KCNH5: variants seen among roughly 807,000 people sequenced by gnomAD.
KCNH5 encodes voltage-gated delayed rectifier potassium channel KCNH5.
Under a neutral mutation model 96.1 loss-of-function variants are expected in KCNH5, and 46 were observed. The ratio of observed to expected loss-of-function variants is 0.48; its 90% CI spans 0.38 to 0.61. The LOEUF is 0.61. Ranked by LOEUF, KCNH5 falls within the 20% of genes least tolerant of loss-of-function variation. KCNH5 has a pLI of 0.00. For missense variants in KCNH5, 907 were observed against 1,225.8 expected (o/e 0.74, Z 3.88); for synonymous variants, 439 against 449.8 (o/e 0.98, Z 0.30).
chr14:62,846,642 C>A (rs1189322344), intron 8 of KCNH5, among the ~76,000 whole-genome samples: 10 of 151,554 alleles, frequency 6.6e-5, no homozygotes, highest in Admixed American at 6.6e-4. Flanking sequence ...TCCATCTTTA[C>A]AATTCATTCT....
chr14:63,001,577 C>T, intron 3 of KCNH5, 118 bp from the exon 4 acceptor site: 1 of 853,378 alleles, frequency 1.2e-6, no homozygotes, highest in Non-Finnish European at 1.8e-6. Flanking sequence ...GAATCAACAC[C>T]AAAACAACAG....
rs182351595 is a variant in KCNH5, at chr14:62,751,364, G to A, written c.2019+28364C>T. Among the ~76,000 whole-genome samples the A allele has an allele frequency of 2.1e-3, 325 of 152,300 alleles. 3 individuals carry two copies. The highest frequency in any genetic ancestry group is 0.019 in the South Asian group (90 of 4,830). On this transcript the variant is annotated intron_variant, in intron 10 of 10. Transcript: ENST00000322893. ...TCAAAACAGAATAAGCACTCCAGAAGGAGGTTAATATTCTTACCTGCCATG... is the reference window on the plus strand; with the variant it reads ...TCAAAACAGAATAAGCACTCCAGAAAGAGGTTAATATTCTTACCTGCCATG...
chr14:62,983,438 A>G (rs114409273), intron 5 of KCNH5, among the ~76,000 whole-genome samples: 4,803 of 150,626 alleles, frequency 0.032, 159 homozygotes, highest in East Asian at 0.16. Flanking sequence ...GTGTGTGTGT[A>G]TATTATAACA....
intron 10 of KCNH5, among the ~76,000 whole-genome samples, chr14:62,723,815 A>C (rs1166956025): frequency 6.6e-6 from 1 of 152,212 alleles, no homozygotes; most frequent in Non-Finnish European, 1.5e-5. Context: ...ATTCCATGTA[A>C]AACAGATATC....
intron 8 of KCNH5, among the ~76,000 whole-genome samples, chr14:62,815,209 T>C (rs933040094): frequency 5.9e-5 from 9 of 152,140 alleles, no homozygotes; most frequent in Admixed American, 5.9e-4. Flanking sequence ...TATATCCATT[T>C]ATATAAAGTT....
At position 62,897,214 on chromosome 14, in the gene KCNH5, G is replaced by C. The variant is rs544809533; in HGVS notation, c.1370-47362C>G. Among the ~76,000 whole-genome samples, 4 of 151,062 alleles carry C rather than the reference G, an allele frequency of 2.6e-5. No homozygotes were observed. In the East Asian group the frequency reaches 5.8e-4, roughly 22 times the overall value. On this transcript the variant is annotated intron_variant, in intron 7 of 10. Transcript: ENST00000322893. ...GAAAATGACTAAAGACAATGCATGA[G>C]TCCCTTGAGCAAGCATCTGAGAAAC...
intron 9 of KCNH5, among the ~76,000 whole-genome samples, chr14:62,783,019 T>C (rs1886250937): frequency 6.6e-6 from 1 of 152,146 alleles, no homozygotes; most frequent in Non-Finnish European, 1.5e-5. Context: ...AAATTTATAA[T>C]TGCCAAAAAT....
intron 2 of KCNH5, among the ~76,000 whole-genome samples, chr14:63,013,290 C>T (rs903261373): frequency 6.6e-6 from 1 of 152,038 alleles, no homozygotes; most frequent in African/African-American, 2.4e-5. Context: ...ACCCTATAGA[C>T]TTTAATTCAT....
intron 10 of KCNH5, among the ~76,000 whole-genome samples, chr14:62,779,432 T>A (rs868577362): frequency 3.9e-5 from 6 of 152,342 alleles, no homozygotes; most frequent in Non-Finnish European, 7.3e-5. Context: ...TATGGCAGTA[T>A]TATAAACTCC....
At chr14:62,804,346 T>C (rs576808958) in intron 8 of KCNH5, among the ~76,000 whole-genome samples, 1 of 152,214 alleles carries the variant, frequency 6.6e-6, no homozygotes, top group Non-Finnish European at 1.5e-5. Context: ...TATAAGGCAA[T>C]GTTTTATTTA....
chr14:62,772,915 G>A (rs964026750), intron 10 of KCNH5, among the ~76,000 whole-genome samples: 1 of 152,166 alleles, frequency 6.6e-6, no homozygotes, highest in Non-Finnish European at 1.5e-5. Context: ...CAGATTGAGA[G>A]TCCTGTCCAC....
At chr14:62,739,481 C>T (rs1182169979) in intron 10 of KCNH5, among the ~76,000 whole-genome samples, 1 of 151,910 alleles carries the variant, frequency 6.6e-6, no homozygotes, top group Non-Finnish European at 1.5e-5. Flanking sequence ...AGTATGTAGG[C>T]ATTTTTAGAG....
chr14:62,730,737 T>C (rs918239564), intron 10 of KCNH5, among the ~76,000 whole-genome samples: 1 of 152,210 alleles, frequency 6.6e-6, no homozygotes, highest in African/African-American at 2.4e-5. Flanking sequence ...GGGATGATAT[T>C]ATGTAGAATT....
chr14:62,744,571 A>G lies in KCNH5; in HGVS notation c.2019+35157T>C, dbSNP rs1409662941. ...TCAAATGTAAAAACATTGAGCACCT[A>G]TTATGATTTGGGATACTAAATAAAG... On this transcript the variant is annotated intron_variant, in intron 10 of 10. Coordinates refer to ENST00000322893, the MANE Select transcript of KCNH5 (RefSeq NM_139318.5). 2.0e-5 allele frequency among the ~76,000 whole-genome samples: 3 copies of G among 152,304 alleles called. No individual in the cohort carries two copies. The East Asian group carries it at 5.8e-4, about 29-fold the overall frequency.
At chr14:62,815,929 G>A (rs1450333955) in intron 8 of KCNH5, among the ~76,000 whole-genome samples, 3 of 151,754 alleles carry the variant, frequency 2.0e-5, no homozygotes, top group African/African-American at 7.3e-5. Flanking sequence ...AGGTCACAGA[G>A]TAGTAAATGA....
chr14:62,708,592 A>G (rs1462031112), intron 10 of KCNH5, 137 bp from the exon 11 acceptor site: 2 of 558,008 alleles, frequency 3.6e-6, no homozygotes, highest in African/African-American at 3.8e-5. Flanking sequence ...CAAGAAAAAA[A>G]AATTTAAATA....
intron 2 of KCNH5, among the ~76,000 whole-genome samples, chr14:63,010,846 C>T (rs560556230): frequency 1.3e-5 from 2 of 152,324 alleles, no homozygotes; most frequent in South Asian, 4.1e-4. Context: ...AAGAATCTTA[C>T]AACTCTGAAG....
At chr14:62,922,186 A>C (rs1889392509) in intron 7 of KCNH5, among the ~76,000 whole-genome samples, 1 of 152,012 alleles carries the variant, frequency 6.6e-6, no homozygotes, top group Non-Finnish European at 1.5e-5. Flanking sequence ...AAATAATTTT[A>C]CTTGATTTTT....
At chr14:63,028,497 G>T (rs915214917) in intron 1 of KCNH5, among the ~76,000 whole-genome samples, 1 of 152,218 alleles carries the variant, frequency 6.6e-6, no homozygotes, top group East Asian at 1.9e-4. Flanking sequence ...TCACAAAGCC[G>T]CGATTCCCAA....
Sources: allele counts gnomAD v4.1 joint callset (sites outside exome capture counted in the v4.1 genomes callset), GRCh38; gene constraint gnomAD v4.1.1; transcripts MANE v1.5; gene names NCBI Gene and HGNC (gene_info 2026-07-23, HGNC 2026-07-21).